The following MBOAT1 variants were observed in gnomAD, a reference collection of about 807,000 sequenced individuals.
MBOAT1 encodes the protein membrane-bound glycerophospholipid O-acyltransferase 1.
A neutral mutation model predicts 64.4 loss-of-function variants in MBOAT1; 67 were observed. The observed-to-expected ratio is 1.04, with a 90% CI of 0.85 to 1.27. MBOAT1 has a LOEUF of 1.27. Among genes scored for constraint, MBOAT1 ranks in the 50% most tolerant of loss-of-function variants. The probability of loss-of-function intolerance (pLI) is 0.00; values close to 1 mark genes in which losing one functional copy is unlikely to be tolerated. For missense variants in MBOAT1, 563 were observed against 604.6 expected, an observed-to-expected ratio of 0.93 and a Z score of 0.72; for synonymous variants, 229 against 218.9, an observed-to-expected ratio of 1.05 and a Z score of -0.41.
intron 1 of MBOAT1, among the ~76,000 whole-genome samples, chr6:20,184,880 A>AGTGTGTGTTTGTGT (rs1762606653): frequency 7.0e-6 from 1 of 142,866 alleles, no homozygotes; most frequent in Non-Finnish European, 1.5e-5. Context: ...TTATAACTGC[A>AGTGTGTGTTTGTGT]GTGTGTGTGT....
chr6:20,110,658 GA>G (rs1760111652), intron 11 of MBOAT1, among the ~76,000 whole-genome samples: 1 of 151,792 alleles, frequency 6.6e-6, no homozygotes, highest in Non-Finnish European at 1.5e-5. Context: ...ACTTGGCACA[GA>G]GCCATCCAAG....
chr6:20,174,085 C>T (rs1398549816), intron 1 of MBOAT1, among the ~76,000 whole-genome samples: 2 of 152,124 alleles, frequency 1.3e-5, no homozygotes, highest in Non-Finnish European at 1.5e-5. Flanking sequence ...GTCTTAGCAC[C>T]GACCACACAG....
chr6:20,141,252 T>G (rs1581417971), intron 4 of MBOAT1, among the ~76,000 whole-genome samples: 1 of 152,114 alleles, frequency 6.6e-6, no homozygotes, highest in Non-Finnish European at 1.5e-5. Context: ...TTTTCTGCAT[T>G]GTACAGTGGG....
chr6:20,111,683 C>G (rs185465941), intron 11 of MBOAT1, among the ~76,000 whole-genome samples: 3 of 151,096 alleles, frequency 2.0e-5, no homozygotes, highest in Non-Finnish European at 4.4e-5. Flanking sequence ...CTTTTATAAT[C>G]TAAATAGTTA....
intron 4 of MBOAT1, among the ~76,000 whole-genome samples, chr6:20,134,064 TCCAATC>T (rs1760909345): frequency 1.3e-5 from 2 of 152,212 alleles, no homozygotes; most frequent in African/African-American, 4.8e-5. Flanking sequence ...AGAACTGCAC[TCCAATC>T]CAAGACCTTT....
In MBOAT1 at chr6:20,212,322, G is replaced by T; in HGVS notation, c.-88C>A. ...CCCGCCCGGGTGCTCTTGGGTGGTT[G>T]CCCCGAGAGGCGCACGGCCGCCTGG... is the stretch of plus-strand genomic sequence containing the variant. On this transcript the variant is annotated 5_prime_UTR_variant, in exon 1 of 13. Transcript: ENST00000324607. 8.1e-7 allele frequency: 1 copy of T among 1,228,648 alleles called. No homozygotes were observed. Among genetic ancestry groups the T allele is most frequent in the Non-Finnish European group, 1.1e-6 (1 of 872,780 alleles). 76.1% of individuals were successfully genotyped at this position (1,228,648 alleles called of 1,614,324 possible).
rs189726051 is a variant in MBOAT1, at chr6:20,194,750, G to A, written c.99+17386C>T. ...TCACTATGCACAGCTCACATTTAAG[G>A]AGTGGAGAATTATGTTCCACCTTCT... On this transcript the variant is annotated intron_variant, in intron 1 of 12. Transcript: ENST00000324607. Among the ~76,000 whole-genome samples the A allele has an allele frequency of 1.2e-4, 18 of 152,294 alleles. 1 individual carries two copies. The East Asian group carries it at 3.5e-3, about 29-fold the overall frequency.
At chr6:20,192,424 A>G (rs1581459510) in intron 1 of MBOAT1, among the ~76,000 whole-genome samples, 1 of 151,996 alleles carries the variant, frequency 6.6e-6, no homozygotes, top group Admixed American at 6.6e-5. Context: ...CACCACCCAC[A>G]CCCTCCTCAC....
Position 20,212,004 on chromosome 6 carries a change from A to AC in MBOAT1, c.99+131_99+132insG, listed in dbSNP as rs1554123721. 539 of 735,292 alleles carry AC rather than the reference A, an allele frequency of 7.3e-4. 1 individual carries two copies. The highest frequency in any genetic ancestry group is 1.3e-3 in the Admixed American group (52 of 39,530). 45.5% of individuals were successfully genotyped at this position (735,292 alleles called of 1,614,324 possible). ...CACACACACACACACACACACACACAAAAACCAACTGTCTAGTGTGTGGCT... is the reference window on the plus strand; with the variant it reads ...CACACACACACACACACACACACACACAAAACCAACTGTCTAGTGTGTGGCT... On this transcript the variant is annotated intron_variant, in intron 1 of 12. Transcript: ENST00000324607.
intron 3 of MBOAT1, 90 bp downstream of exon 3, chr6:20,151,095 G>T: frequency 1.1e-6 from 1 of 917,584 alleles, no homozygotes; most frequent in Non-Finnish European, 1.7e-6. Flanking sequence ...GTGGAAAATG[G>T]GTAAGGTCCA....
chr6:20,160,815 G>C (rs1009191877), intron 1 of MBOAT1, among the ~76,000 whole-genome samples: 1 of 152,078 alleles, frequency 6.6e-6, no homozygotes, highest in African/African-American at 2.4e-5. Context: ...ACTTTCAAAG[G>C]GATCCTTTGT....
chr6:20,113,624 G>A (rs910180933), intron 10 of MBOAT1, among the ~76,000 whole-genome samples: 1 of 151,958 alleles, frequency 6.6e-6, no homozygotes, highest in East Asian at 1.9e-4. Context: ...GCCTTAAAGA[G>A]TGATACTGTG....
rs1028428571 is a variant in MBOAT1, at chr6:20,101,611, C to T, written c.*675G>A. On this transcript the variant is annotated 3_prime_UTR_variant, in exon 13 of 13. Transcript: ENST00000324607. ...GACAAGTCTTCTCAGCACTCGCCTT[C>T]TAATTTTTGGAGCCGATGCCTGGGT... Among the ~76,000 whole-genome samples, 1 of 152,168 alleles carries T rather than the reference C, an allele frequency of 6.6e-6. No homozygotes were observed. The highest frequency in any genetic ancestry group is 1.5e-5 in the Non-Finnish European group (1 of 68,042).
At chr6:20,160,647 A>G (rs115996322) in intron 1 of MBOAT1, among the ~76,000 whole-genome samples, 1,779 of 152,278 alleles carry the variant, frequency 0.012, 32 homozygotes, top group African/African-American at 0.037. Context: ...CAAGTTAAAC[A>G]ATTCCTTATT....
At chr6:20,168,599 GAGAGAAGAGA>G (rs149730371) in intron 1 of MBOAT1, among the ~76,000 whole-genome samples, 3,294 of 84,666 alleles carry the variant, frequency 0.039, 121 homozygotes, top group African/African-American at 0.079. Flanking sequence ...GGGAGAGAAA[GAGAGAAGAGA>G]AGAGAAGAGA....
intron 1 of MBOAT1, among the ~76,000 whole-genome samples, chr6:20,165,657 C>T (rs912443507): frequency 4.0e-5 from 6 of 151,812 alleles, no homozygotes; most frequent in Non-Finnish European, 7.4e-5. Flanking sequence ...GCAGGAGAAT[C>T]GCTTGCACCC....
chr6:20,135,934 T>C (rs573551092), intron 4 of MBOAT1, among the ~76,000 whole-genome samples: 4 of 152,274 alleles, frequency 2.6e-5, no homozygotes, highest in Non-Finnish European at 5.9e-5. Context: ...AGATACAATG[T>C]GACTTGTACA....
chr6:20,181,039 C>T (rs909807306), intron 1 of MBOAT1, among the ~76,000 whole-genome samples: 2 of 152,228 alleles, frequency 1.3e-5, no homozygotes, highest in African/African-American at 4.8e-5. Flanking sequence ...CAGTTTCAGG[C>T]AGTGCTAATA....
At chr6:20,121,688 C>A (rs1561750482) in intron 8 of MBOAT1, among the ~76,000 whole-genome samples, 2 of 152,090 alleles carry the variant, frequency 1.3e-5, no homozygotes, top group Non-Finnish European at 2.9e-5. Flanking sequence ...AGTCCAGAAG[C>A]TAGCCCTTAA....
Sources: gnomAD v4.1 joint callset for allele counts (sites outside exome capture counted in the v4.1 genomes callset) on GRCh38, gnomAD v4.1.1 for gene constraint, MANE v1.5 for transcripts, NCBI Gene and HGNC (gene_info 2026-07-23, HGNC 2026-07-21) for gene names.